The following MIPOL1 variants were observed in gnomAD, a reference collection of about 807,000 sequenced individuals.
MIPOL1 encodes the protein mirror-image polydactyly gene 1 protein.
MIPOL1 carries 57 observed loss-of-function variants against 60.9 expected under a neutral mutation model. That is an observed-to-expected ratio of 0.94 (90% CI 0.76 to 1.17). MIPOL1 has a LOEUF of 1.17. Ranked by LOEUF, MIPOL1 falls within the 50% of genes most tolerant of loss-of-function variation. The pLI is 0.00. For missense variants in MIPOL1, 551 were observed against 511.6 expected, an observed-to-expected ratio of 1.08 and a Z score of -0.74; for synonymous variants, 179 against 168.8, an observed-to-expected ratio of 1.06 and a Z score of -0.47.
Position 37,449,059 on chromosome 14 carries a change from A to T in MIPOL1, c.1031+26110A>T, listed in dbSNP as rs557810969. Among the ~76,000 whole-genome samples, 376 of 152,320 alleles carry T rather than the reference A, an allele frequency of 2.5e-3. 1 individual carries two copies. Among genetic ancestry groups the T allele is most frequent in the African/African-American group, 8.6e-3 (358 of 41,568 alleles). On this transcript the variant is annotated intron_variant, in intron 11 of 12. Transcript: ENST00000684589. The stretch of plus-strand genomic sequence containing the variant: ...TAATTTCTGGTTTATGCCAACAAAG[A>T]AGGGAATGGCAGCAAGATCACATTC...
chr14:37,312,140 C>T (rs2087396369), intron 9 of MIPOL1, among the ~76,000 whole-genome samples: 1 of 152,162 alleles, frequency 6.6e-6, no homozygotes, highest in South Asian at 2.1e-4. Context: ...TGGATTCTCA[C>T]TCTGTCACCC....
In MIPOL1 at chr14:37,387,169, T is replaced by A. The variant is rs1404818536; in HGVS notation, c.936+17545T>A. On this transcript the variant is annotated intron_variant, in intron 10 of 12. Coordinates refer to ENST00000684589, the MANE Select transcript of MIPOL1 (RefSeq NM_001388067.1). ...ACAATGTGTATTACCTAGAAGATAA[T>A]GAAACTGTGAGGAAAATTACTAAAA... Among the ~76,000 whole-genome samples the A allele has an allele frequency of 2.0e-5, 3 of 151,876 alleles. No homozygotes were observed. The South Asian group carries it at 6.2e-4, about 31-fold the overall frequency.
At chr14:37,237,923 A>G (rs758960549) in intron 1 of MIPOL1, among the ~76,000 whole-genome samples, 1 of 151,894 alleles carries the variant, frequency 6.6e-6, no homozygotes, top group Non-Finnish European at 1.5e-5. Context: ...GTATGTGAAC[A>G]TTTCCCTTTC....
At chr14:37,346,259 G>T (rs1211683537) in intron 9 of MIPOL1, among the ~76,000 whole-genome samples, 1 of 152,162 alleles carries the variant, frequency 6.6e-6, no homozygotes, top group African/African-American at 2.4e-5. Flanking sequence ...AACCCAGGAG[G>T]CGAAGGTTAT....
chr14:37,394,490 T>C (rs958860076), intron 10 of MIPOL1, among the ~76,000 whole-genome samples: 7 of 152,188 alleles, frequency 4.6e-5, no homozygotes, highest in African/African-American at 2.4e-5. Flanking sequence ...ATTGTGGTTT[T>C]GATTTGCATT....
intron 11 of MIPOL1, among the ~76,000 whole-genome samples, chr14:37,442,430 A>G (rs2094264643): frequency 6.6e-6 from 1 of 151,986 alleles, no homozygotes; most frequent in Non-Finnish European, 1.5e-5. Context: ...TGATGAGTGG[A>G]CATCCTTGTG....
At chr14:37,392,450 A>G (rs557325480) in intron 10 of MIPOL1, among the ~76,000 whole-genome samples, 29 of 152,310 alleles carry the variant, frequency 1.9e-4, no homozygotes, top group African/African-American at 6.7e-4. Flanking sequence ...TGGGATTTTC[A>G]ATGTAATCAT....
intron 10 of MIPOL1, among the ~76,000 whole-genome samples, chr14:37,377,824 T>C (rs1286681245): frequency 6.7e-6 from 1 of 148,750 alleles, no homozygotes; most frequent in Non-Finnish European, 1.5e-5. Context: ...CATAGCTCAC[T>C]ATAACCTCCA....
intron 1 of MIPOL1, among the ~76,000 whole-genome samples, chr14:37,217,644 A>G (rs1045199690): frequency 3.3e-5 from 5 of 152,244 alleles, no homozygotes; most frequent in Admixed American, 2.6e-4. Flanking sequence ...TAAAAACCAT[A>G]CAATCATTTC....
chr14:37,457,003 G>A (rs1445852591), intron 11 of MIPOL1, among the ~76,000 whole-genome samples: 1 of 152,022 alleles, frequency 6.6e-6, no homozygotes, highest in Non-Finnish European at 1.5e-5. Flanking sequence ...CTATTGAAAA[G>A]GACATATTGC....
chr14:37,335,150 T>G (rs1485983795), intron 9 of MIPOL1, among the ~76,000 whole-genome samples: 1 of 152,104 alleles, frequency 6.6e-6, no homozygotes, highest in East Asian at 1.9e-4. Context: ...CCAATTTATC[T>G]ACATTCTCGC....
intron 11 of MIPOL1, among the ~76,000 whole-genome samples, chr14:37,468,057 A>T (rs77231638): frequency 6.6e-6 from 1 of 151,292 alleles, no homozygotes; most frequent in African/African-American, 2.4e-5. Context: ...CCATCTCAAA[A>T]AAAAAAAAAA....
chr14:37,340,284 A>T (rs1165115038), intron 9 of MIPOL1, among the ~76,000 whole-genome samples: 3 of 152,230 alleles, frequency 2.0e-5, no homozygotes, highest in Admixed American at 6.5e-5. Flanking sequence ...AAATTTGAAG[A>T]CTAGAAAAAG....
chr14:37,322,365 C>T (rs61989590), intron 9 of MIPOL1, among the ~76,000 whole-genome samples: 46,232 of 151,730 alleles, frequency 0.3, 7,251 homozygotes, highest in East Asian at 0.46. Context: ...CACCTCTCAA[C>T]GGCAATCACT....
chr14:37,351,112 T>C (rs1483000502), intron 9 of MIPOL1, among the ~76,000 whole-genome samples: 2 of 140,766 alleles, frequency 1.4e-5, no homozygotes, highest in Non-Finnish European at 3.0e-5. Context: ...TCTGTGTCCA[T>C]GTGATCTCAT....
Position 37,285,363 on chromosome 14 carries a change from C to T in MIPOL1, c.539C>T (p.Ala180Val). ...TTTGCGCAGAAGGAACGTGATGAAG[C>T]TGTTATGTCTAGACTGCAATTAGCC... ...VYFAQKERDE[A>V]VMSRLQLAIE... is the part of the protein sequence containing the mutation. Residue 180 changes from alanine (A) to valine (V), a missense_variant, in exon 7 of 13, where the codon GCT becomes GTT. Transcript: ENST00000684589. 1 of 1,613,874 alleles carries T rather than the reference C, an allele frequency of 6.2e-7. No homozygotes were observed. Among genetic ancestry groups the T allele is most frequent in the Non-Finnish European group, 8.5e-7 (1 of 1,179,946 alleles).
At chr14:37,476,002 T>C (rs778579511) in intron 11 of MIPOL1, among the ~76,000 whole-genome samples, 1 of 152,230 alleles carries the variant, frequency 6.6e-6, no homozygotes, top group Non-Finnish European at 1.5e-5. Flanking sequence ...CACAGATCAA[T>C]TGGTAAGAAC....
chr14:37,424,590 C>T (rs889652430), intron 11 of MIPOL1, among the ~76,000 whole-genome samples: 4 of 152,168 alleles, frequency 2.6e-5, no homozygotes, highest in African/African-American at 9.6e-5. Flanking sequence ...TTTTAAGCCA[C>T]ACAGTTTGTG....
chr14:37,251,286 C>T (rs946961342), intron 3 of MIPOL1, among the ~76,000 whole-genome samples: 1 of 151,644 alleles, frequency 6.6e-6, no homozygotes, highest in African/African-American at 2.4e-5. Flanking sequence ...CAGGCTGTTC[C>T]CAAACTCCTA....
Sources: gnomAD v4.1 joint callset for allele counts (sites outside exome capture counted in the v4.1 genomes callset) on GRCh38, gnomAD v4.1.1 for gene constraint, MANE v1.5 for transcripts, NCBI Gene and HGNC (gene_info 2026-07-23, HGNC 2026-07-21) for gene names.